NGLY1: variants seen among roughly 807,000 people sequenced by gnomAD.
The protein encoded by NGLY1 is peptide-N(4)-(N-acetyl-beta-glucosaminyl)asparagine amidase.
Under a neutral mutation model 84.6 loss-of-function variants are expected in NGLY1, and 68 were observed. The observed-to-expected ratio is 0.80, with a 90% CI of 0.66 to 0.98. NGLY1 has a LOEUF of 0.98. NGLY1 is among the 50% of genes least tolerant of loss of function. NGLY1 has a pLI of 0.00. For synonymous variants in NGLY1, 280 were observed against 275.2 expected (o/e 1.02, Z -0.17); for missense variants, 779 against 770.2 (o/e 1.01, Z -0.14).
At position 25,757,473 on chromosome 3, in the gene NGLY1, A is replaced by G. The variant is rs768587340; in HGVS notation, c.493-6210T>C. Among the ~76,000 whole-genome samples the G allele has an allele frequency of 1.4e-4, 21 of 152,234 alleles. 1 individual carries two copies. The highest frequency in any genetic ancestry group is 4.1e-4 in the South Asian group (2 of 4,832). On this transcript the variant is annotated intron_variant, in intron 3 of 11. Coordinates refer to ENST00000280700, the MANE Select transcript of NGLY1 (RefSeq NM_018297.4). Reference sequence around the variant, plus strand: ...CGTGAAAGTTCTTTCAAAACTGTATAATACTATATGACTGTAAGGAAATAT... The same window carrying G: ...CGTGAAAGTTCTTTCAAAACTGTATGATACTATATGACTGTAAGGAAATAT...
rs191074160 is a variant in NGLY1, at chr3:25,767,872, G to A, written c.247-3561C>T. Among the ~76,000 whole-genome samples, 55 of 151,772 alleles carry A rather than the reference G, an allele frequency of 3.6e-4. No individual in the cohort carries two copies. The East Asian group carries it at 9.4e-3, about 26-fold the overall frequency. ...TCACGCCTGTAATCCCAGCACTTTG[G>A]GGGGCTGAAGCAGGTGGATCACTTG... On this transcript the variant is annotated intron_variant, in intron 2 of 11. Coordinates refer to ENST00000280700, the MANE Select transcript of NGLY1 (RefSeq NM_018297.4).
chr3:25,748,924 G>C (rs1706580853), intron 4 of NGLY1, among the ~76,000 whole-genome samples: 1 of 151,140 alleles, frequency 6.6e-6, no homozygotes, highest in African/African-American at 2.4e-5. Flanking sequence ...TTTTTAAAAA[G>C]AATGTTCAAA....
intron 2 of NGLY1, among the ~76,000 whole-genome samples, chr3:25,770,382 C>T (rs201757291): frequency 1.3e-5 from 2 of 152,130 alleles, no homozygotes; most frequent in Non-Finnish European, 2.9e-5. Flanking sequence ...CTCCTGACCT[C>T]GGGTGATCCA....
At chr3:25,766,012 T>G (rs1364612870) in intron 2 of NGLY1, among the ~76,000 whole-genome samples, 4 of 152,030 alleles carry the variant, frequency 2.6e-5, no homozygotes, top group Admixed American at 6.5e-5. Context: ...CTGGGCGTTT[T>G]AAATACATCA....
At chr3:25,737,191 T>C in intron 6 of NGLY1, 143 bp downstream of exon 6, 1 of 611,934 alleles carries the variant, frequency 1.6e-6, no homozygotes, top group South Asian at 2.6e-5. Flanking sequence ...GGAAGGTTGG[T>C]ATTATTACTG....
At chr3:25,758,160 T>C (rs1344078158) in intron 3 of NGLY1, among the ~76,000 whole-genome samples, 1 of 152,166 alleles carries the variant, frequency 6.6e-6, no homozygotes, top group Non-Finnish European at 1.5e-5. Flanking sequence ...AACAGCTACA[T>C]TTTAGTGCAA....
At chr3:25,770,779 T>C (rs971013988) in intron 2 of NGLY1, among the ~76,000 whole-genome samples, 1 of 152,224 alleles carries the variant, frequency 6.6e-6, no homozygotes, top group African/African-American at 2.4e-5. Context: ...TGTCACACTG[T>C]GGTTTTGATT....
At chr3:25,764,590 A>G (rs1707469291) in intron 2 of NGLY1, among the ~76,000 whole-genome samples, 1 of 152,158 alleles carries the variant, frequency 6.6e-6, no homozygotes, top group South Asian at 2.1e-4. Context: ...AAAATATTTG[A>G]TCTTCTAGAA....
At chr3:25,741,525 G>A (rs1706144832) in intron 4 of NGLY1, among the ~76,000 whole-genome samples, 1 of 151,992 alleles carries the variant, frequency 6.6e-6, no homozygotes, top group Non-Finnish European at 1.5e-5. Flanking sequence ...AGGTGAGTAT[G>A]TTTATGTTTA....
chr3:25,761,305 CAT>C (rs565110049), intron 3 of NGLY1, among the ~76,000 whole-genome samples: 6 of 152,188 alleles, frequency 3.9e-5, no homozygotes, highest in Admixed American at 6.5e-5. Context: ...AAGCTGGAAA[CAT>C]AATGCTTCTA....
rs147186968 is a variant in NGLY1, at chr3:25,762,312, T to C, written c.492+1754A>G. The stretch of plus-strand genomic sequence containing the variant: ...GGTAGAAGAAAACTGTCAAATTCTG[T>C]AGTATAGCAACTAATGATGAAAGCA... On this transcript the variant is annotated intron_variant, in intron 3 of 11. Transcript: ENST00000280700. Among the ~76,000 whole-genome samples the C allele has an allele frequency of 9.7e-3, 1,482 of 152,300 alleles. 9 individuals are homozygous for C. Among genetic ancestry groups the C allele is most frequent in the Non-Finnish European group, 0.014 (986 of 68,026 alleles).
At position 25,751,124 on chromosome 3, in the gene NGLY1, A is replaced by G. The variant is rs777110722; in HGVS notation, c.632T>C (p.Leu211Ser). The change falls in exon 4 of 12, where the codon TTA becomes TCA. Residue 211 changes from leucine (L) to serine (S), a missense_variant. Transcript: ENST00000280700. ...QELKRKSQEKLSRARKLDKGI... is the reference protein window; with the variant it reads ...QELKRKSQEKSSRARKLDKGI... ...TTTATCCAATTTTCTAGCTCTCGATAACTTTTCTTGTGATTTCCTTTTTAG... is the reference window on the plus strand; with the variant it reads ...TTTATCCAATTTTCTAGCTCTCGATGACTTTTCTTGTGATTTCCTTTTTAG... The G allele has an allele frequency of 1.9e-6, 3 of 1,612,888 alleles. No homozygotes were observed. Among genetic ancestry groups the G allele is most frequent in the Non-Finnish European group, 2.5e-6 (3 of 1,179,684 alleles).
chr3:25,767,290 T>C (rs1707632632), intron 2 of NGLY1, among the ~76,000 whole-genome samples: 1 of 143,712 alleles, frequency 7.0e-6, no homozygotes, highest in Admixed American at 7.0e-5. Flanking sequence ...AGACTCCGTC[T>C]CAAAAAAAAA....
chr3:25,771,945 T>A (rs1707916304), intron 2 of NGLY1, among the ~76,000 whole-genome samples: 1 of 152,120 alleles, frequency 6.6e-6, no homozygotes, highest in East Asian at 1.9e-4. Flanking sequence ...GTCTTTAGGG[T>A]TTTCCAGGTA....
intron 3 of NGLY1, chr3:25,755,366 G>T: frequency 7.6e-7 from 1 of 1,316,736 alleles, no homozygotes; most frequent in Non-Finnish European, 1.1e-6. Flanking sequence ...ATTGACTGTT[G>T]GTGCTGTTAG....
At chr3:25,771,753 G>A (rs537721097) in intron 2 of NGLY1, among the ~76,000 whole-genome samples, 3 of 152,202 alleles carry the variant, frequency 2.0e-5, no homozygotes, top group South Asian at 2.1e-4. Context: ...CATGTGGTTG[G>A]TTAGGTATAT....
chr3:25,778,457 A>T, intron 2 of NGLY1, 117 bp downstream of exon 2: 2 of 524,340 alleles, frequency 3.8e-6, no homozygotes, highest in Non-Finnish European at 6.7e-6. Context: ...AACTACTTCT[A>T]CTGATTCCCA....
upstream of NGLY1, among the ~76,000 whole-genome samples, chr3:25,787,000 G>A (rs1201181434): frequency 6.6e-6 from 1 of 152,222 alleles, no homozygotes; most frequent in Admixed American, 6.5e-5. Flanking sequence ...TAAGTTTAGA[G>A]CAGTGGTTGG....
At chr3:25,773,923 T>C (rs1039127623) in intron 2 of NGLY1, among the ~76,000 whole-genome samples, 1 of 152,220 alleles carries the variant, frequency 6.6e-6, no homozygotes, top group Non-Finnish European at 1.5e-5. Flanking sequence ...TACTGGGCTC[T>C]GAACTGGTAT....
Sources: allele counts gnomAD v4.1 joint callset (sites outside exome capture counted in the v4.1 genomes callset), GRCh38; gene constraint gnomAD v4.1.1; transcripts MANE v1.5; gene names NCBI Gene and HGNC (gene_info 2026-07-23, HGNC 2026-07-21).